Variants in LCP1 observed in about 807,000 individuals in gnomAD.
The protein encoded by LCP1 is lymphocyte cytosolic protein 1.
Under a neutral mutation model 72.0 loss-of-function variants are expected in LCP1, and 23 were observed. That is an observed-to-expected ratio of 0.32 (90% CI 0.23 to 0.45). LCP1 has a LOEUF of 0.45. LCP1 is among the 20% of genes least tolerant of loss of function. The pLI is 1.00. For synonymous variants in LCP1, 245 were observed against 275.4 expected, an observed-to-expected ratio of 0.89 and a Z score of 1.09; for missense variants, 571 against 748.3, an observed-to-expected ratio of 0.76 and a Z score of 2.76.
chr13:46,144,651 T>C, intron 10 of LCP1, 131 bp from the exon 11 acceptor site: 1 of 669,744 alleles, frequency 1.5e-6, no homozygotes, highest in Non-Finnish European at 2.6e-6. Context: ...TAAACTGTAT[T>C]GGATTTGGAC....
At chr13:46,140,597 G>C (rs2045691471) in intron 13 of LCP1, among the ~76,000 whole-genome samples, 1 of 152,126 alleles carries the variant, frequency 6.6e-6, no homozygotes, top group South Asian at 2.1e-4. Context: ...TCAAATTCAT[G>C]ATATTTGACA....
At chr13:46,130,394 A>G (rs2045626548) in intron 15 of LCP1, among the ~76,000 whole-genome samples, 1 of 152,222 alleles carries the variant, frequency 6.6e-6, no homozygotes, top group Non-Finnish European at 1.5e-5. Context: ...ACTCTAGAGG[A>G]ATCATTTGGC....
intron 8 of LCP1, chr13:46,148,664 A>G: frequency 2.0e-6 from 1 of 505,240 alleles, no homozygotes; most frequent in Middle Eastern, 6.2e-4. Flanking sequence ...TAACAATAAA[A>G]TAGACAAGAT....
intron 5 of LCP1, among the ~76,000 whole-genome samples, chr13:46,155,949 A>T (rs1254751530): frequency 1.3e-5 from 2 of 152,206 alleles, no homozygotes; most frequent in Non-Finnish European, 2.9e-5. Flanking sequence ...ATATTCCAAA[A>T]ATATATAACC....
intron 5 of LCP1, among the ~76,000 whole-genome samples, chr13:46,155,960 A>G (rs1307946874): frequency 6.6e-6 from 1 of 152,228 alleles, no homozygotes; most frequent in Non-Finnish European, 1.5e-5. Flanking sequence ...ATATATAACC[A>G]GGAAAATTGT....
Position 46,154,866 on chromosome 13 carries a change from A to C in LCP1, c.512T>G (p.Val171Gly). Reference sequence around the variant, plus strand: ...TGTTCTTTCATCAATTGTGTCTGGCACTGACAGGTTGATCATTTTACTGAA... The same window carrying C: ...TGTTCTTTCATCAATTGTGTCTGGCCCTGACAGGTTGATCATTTTACTGAA... ...IVLCKMINLS[V>G]PDTIDERTIN... The change falls in exon 6 of 16, where the codon GTG becomes GGG. Residue 171 changes from valine to glycine, a missense_variant. By Grantham distance (109) the Val-to-Gly change is moderately radical (BLOSUM62 -3). Transcript: ENST00000323076. 1 of 1,613,926 alleles carries C rather than the reference A, an allele frequency of 6.2e-7. No individual in the cohort carries two copies. The highest frequency in any genetic ancestry group is 8.5e-7 in the Non-Finnish European group (1 of 1,179,768).
intron 10 of LCP1, among the ~76,000 whole-genome samples, chr13:46,145,904 G>A (rs1352267458): frequency 1.2e-4 from 4 of 33,070 alleles, no homozygotes; most frequent in South Asian, 8.3e-4. Context: ...GCGAGACTCC[G>A]TCTCAAAAAA....
At position 46,130,923 on chromosome 13, in the gene LCP1, T is replaced by C. The variant is rs185887017; in HGVS notation, c.1642A>G (p.Thr548Ala). Residue 548 changes from threonine (T) to alanine (A), a missense_variant, in exon 15 of 16, where the codon ACA (threonine) becomes GCA (alanine). Thr to Ala is a moderately conservative substitution (Grantham distance 58, BLOSUM62 0). Transcript: ENST00000323076. ...ATGAGGTCCAGAACAGGCAGACTTG[T>C]ACTAATCTTCGGGTCCTATGCAGAG... ...ISSFKDPKIS[T>A]SLPVLDLIDA... 5.6e-5 allele frequency: 90 copies of C among 1,607,226 alleles called. 1 individual carries two copies. The East Asian group carries it at 7.0e-4, about 12-fold the overall frequency.
chr13:46,127,037 C>T lies in LCP1; in HGVS notation c.*554G>A, dbSNP rs1410427051. The T allele has an allele frequency of 5.2e-5, 12 of 231,250 alleles. No homozygotes were observed. The highest frequency in any genetic ancestry group is 6.6e-5 in the African/African-American group (3 of 45,192). 14.3% of individuals were successfully genotyped at this position (231,250 alleles called of 1,614,324 possible). A position where few individuals can be genotyped will look rare whatever the true frequency, so the allele number is the denominator to read the frequency against. ...ACTCCAAGTGGCCCAGAGACAAGGA[C>T]GGCCAGAAGAGATGGGCCCCCCCGG... On this transcript the variant is annotated 3_prime_UTR_variant, in exon 16 of 16. Transcript: ENST00000323076.
chr13:46,173,859 T>C (rs562425258), intron 1 of LCP1, among the ~76,000 whole-genome samples: 1 of 152,262 alleles, frequency 6.6e-6, no homozygotes, highest in Non-Finnish European at 1.5e-5. Flanking sequence ...TGAGGAAGTA[T>C]GGCCAGAGTG....
At chr13:46,131,872 T>C (rs1191280652) in intron 14 of LCP1, among the ~76,000 whole-genome samples, 3 of 151,776 alleles carry the variant, frequency 2.0e-5, no homozygotes, top group African/African-American at 7.3e-5. Flanking sequence ...AGGGTGGAAG[T>C]GGGTTAAAGG....
Position 46,154,790 on chromosome 13 carries a change from G to A in LCP1, c.573+15C>T, listed in dbSNP as rs777170152. On this transcript the variant is annotated intron_variant, in intron 6 of 15. Coordinates refer to ENST00000323076, the MANE Select transcript of LCP1 (RefSeq NM_002298.5). Reference sequence around the variant, plus strand: ...CAAACAAATCCTGTATTATGGTAACGGTGGGAAGACATACCTGAATGGTGA... The same window carrying A: ...CAAACAAATCCTGTATTATGGTAACAGTGGGAAGACATACCTGAATGGTGA... 1.2e-5 allele frequency: 19 copies of A among 1,602,132 alleles called. No individual in the cohort carries two copies. Among genetic ancestry groups the A allele is most frequent in the Admixed American group, 6.7e-5 (4 of 59,938 alleles).
intron 1 of LCP1, among the ~76,000 whole-genome samples, chr13:46,177,704 A>G (rs1441896425): frequency 6.6e-6 from 1 of 152,136 alleles, no homozygotes; most frequent in Non-Finnish European, 1.5e-5. Context: ...GTCTCAAAAA[A>G]CAAACAAACA....
chr13:46,179,457 G>C (rs1337102506), intron 1 of LCP1, among the ~76,000 whole-genome samples: 1 of 152,256 alleles, frequency 6.6e-6, no homozygotes, highest in Admixed American at 6.5e-5. Context: ...AGGAGCTCAG[G>C]TCTGTCAGCA....
chr13:46,143,863 A>G (rs9316191), intron 11 of LCP1, among the ~76,000 whole-genome samples: 43,406 of 152,128 alleles, frequency 0.29, 7,234 homozygotes, highest in African/African-American at 0.45. Flanking sequence ...TCAAGAGATC[A>G]AGACCATCCT....
chr13:46,161,082 C>T (rs1169342360), intron 1 of LCP1, among the ~76,000 whole-genome samples: 3 of 152,162 alleles, frequency 2.0e-5, no homozygotes, highest in African/African-American at 7.2e-5. Flanking sequence ...AATTACCATC[C>T]TGCCACATAC....
chr13:46,167,480 T>G (rs2138275581), intron 1 of LCP1, among the ~76,000 whole-genome samples: 1 of 152,314 alleles, frequency 6.6e-6, no homozygotes, highest in East Asian at 1.9e-4. Flanking sequence ...AAGGGGATAC[T>G]CCAGGCTGGG....
chr13:46,162,791 C>T (rs1428537270), intron 1 of LCP1, among the ~76,000 whole-genome samples: 1 of 151,958 alleles, frequency 6.6e-6, no homozygotes, highest in African/African-American at 2.4e-5. Flanking sequence ...CGCCTCTGCC[C>T]CGCCGCCCCG....
intron 1 of LCP1, among the ~76,000 whole-genome samples, chr13:46,174,857 A>G (rs542253757): frequency 6.6e-6 from 1 of 151,960 alleles, no homozygotes; most frequent in African/African-American, 2.4e-5. Flanking sequence ...AAAAAGAAAA[A>G]AGAAAGAAAA....
Sources: gnomAD v4.1 joint callset for allele counts (sites outside exome capture counted in the v4.1 genomes callset) on GRCh38, gnomAD v4.1.1 for gene constraint, MANE v1.5 for transcripts, NCBI Gene and HGNC (gene_info 2026-07-23, HGNC 2026-07-21) for gene names.